Variants in PPIL4 observed in about 807,000 individuals in gnomAD.
The protein encoded by PPIL4 is peptidyl-prolyl cis-trans isomerase-like 4.
In PPIL4, 50 loss-of-function variants were observed where a neutral mutation model predicts 69.1. The ratio of observed to expected loss-of-function variants is 0.72; its 90% CI spans 0.58 to 0.92. PPIL4 has a LOEUF of 0.92. Ranked by LOEUF, PPIL4 falls within the 40% of genes least tolerant of loss-of-function variation. The pLI is 0.00. For missense variants in PPIL4, 480 were observed against 587.9 expected, an observed-to-expected ratio of 0.82 and a Z score of 1.90; for synonymous variants, 193 against 191.6, an observed-to-expected ratio of 1.01 and a Z score of -0.06.
chr6:149,507,915 A>G (rs1583202131), intron 12 of PPIL4, among the ~76,000 whole-genome samples: 1 of 152,216 alleles, frequency 6.6e-6, no homozygotes, highest in East Asian at 1.9e-4. Flanking sequence ...CTCAAAGGGT[A>G]AGTGAGCTTG....
intron 10 of PPIL4, among the ~76,000 whole-genome samples, chr6:149,520,631 G>T (rs1252280858): frequency 6.6e-6 from 1 of 152,012 alleles, no homozygotes; most frequent in Non-Finnish European, 1.5e-5. Flanking sequence ...TAGCAGGTTT[G>T]TAAAATTACA....
chr6:149,521,027 A>G (rs557079150), intron 10 of PPIL4, 33 bp downstream of exon 10: 12 of 1,200,698 alleles, frequency 1.0e-5, no homozygotes, highest in African/African-American at 1.5e-5. Flanking sequence ...AAAAAAAAAA[A>G]GCAGAACAAA....
rs1446818920 is a variant in PPIL4, at chr6:149,512,156, T to C, written c.1226A>G (p.Gln409Arg). The C allele has an allele frequency of 5.0e-6, 8 of 1,602,138 alleles. No homozygotes were observed. Among genetic ancestry groups the C allele is most frequent in the Non-Finnish European group, 6.8e-6 (8 of 1,174,588 alleles). ...TCTAAGTCTGGACATTAGAGGTACCTGATTAGTATTTTTGATTGGCATGTA... is the reference window on the plus strand; with the variant it reads ...TCTAAGTCTGGACATTAGAGGTACCCGATTAGTATTTTTGATTGGCATGTA... The part of the protein sequence containing the change: ...EDYMPIKNTN[Q>R]DIYREMGFGH... Residue 409 changes from glutamine to arginine, a missense_variant and splice_region_variant, in exon 12 of 13, where the codon CAG becomes CGG. By Grantham distance (43) the Gln-to-Arg change is conservative (BLOSUM62 1). Transcript: ENST00000253329.
At chr6:149,508,601 A>C (rs1466052612) in intron 12 of PPIL4, among the ~76,000 whole-genome samples, 1 of 152,214 alleles carries the variant, frequency 6.6e-6, no homozygotes, top group Non-Finnish European at 1.5e-5. Context: ...ATAACATTAA[A>C]TCACTAAAAT....
At chr6:149,509,424 C>T (rs910792440) in intron 12 of PPIL4, among the ~76,000 whole-genome samples, 1 of 152,100 alleles carries the variant, frequency 6.6e-6, no homozygotes, top group African/African-American at 2.4e-5. Context: ...AATTCATGGA[C>T]GGTTCCATGT....
At chr6:149,532,811 G>A (rs1423994642) in intron 7 of PPIL4, among the ~76,000 whole-genome samples, 4 of 152,094 alleles carry the variant, frequency 2.6e-5, no homozygotes, top group South Asian at 4.1e-4. Context: ...GTGAGACCCT[G>A]TCTCTATAAA....
chr6:149,531,427 T>G (rs577241718), intron 7 of PPIL4, among the ~76,000 whole-genome samples: 2 of 150,842 alleles, frequency 1.3e-5, no homozygotes, highest in Non-Finnish European at 2.9e-5. Context: ...TCCCAGCTAT[T>G]TGGGAAGCTG....
At position 149,510,944 on chromosome 6, in the gene PPIL4, A is replaced by G. The variant is rs371426333; in HGVS notation, c.1227+1211T>C. 8.3e-4 allele frequency among the ~76,000 whole-genome samples: 127 copies of G among 152,264 alleles called. 4 individuals are homozygous for G. The South Asian group carries it at 0.023, about 28-fold the overall frequency. ...ACTGAATCTTAACAAAATGCCTGTG[A>G]AGTATTTCTCACTTTTCACAGAGGA... On this transcript the variant is annotated intron_variant, in intron 12 of 12. Transcript: ENST00000253329.
rs1777358576 is a variant in PPIL4 at position 149,541,347 on chromosome 6, AAAT to A, written c.203+17_203+19del. The A allele has an allele frequency of 9.2e-7, 1 of 1,085,954 alleles. No homozygotes were observed. Among genetic ancestry groups the A allele is most frequent in the Non-Finnish European group, 1.2e-6 (1 of 807,998 alleles). The allele number at this position is 1,085,954 out of a possible 1,614,324, so 67.3% of individuals were successfully genotyped here. A position where few individuals can be genotyped will look rare whatever the true frequency, so the allele number is the denominator to read the frequency against. ...TAAATAAATAAATAAATAAATAAAT[AAAT>A]AAATAAAACAACTTACCCAAAGATA... On this transcript the variant is annotated intron_variant, in intron 3 of 12. Coordinates refer to ENST00000253329, the MANE Select transcript of PPIL4 (RefSeq NM_139126.4).
At chr6:149,537,058 G>A (rs957467595) in intron 4 of PPIL4, among the ~76,000 whole-genome samples, 5 of 151,252 alleles carry the variant, frequency 3.3e-5, no homozygotes, top group Admixed American at 1.3e-4. Context: ...CCCAGGAGGC[G>A]AAGGTTGCAG....
chr6:149,528,112 C>T (rs1013832492), intron 7 of PPIL4, among the ~76,000 whole-genome samples: 2 of 152,144 alleles, frequency 1.3e-5, no homozygotes, highest in African/African-American at 4.8e-5. Context: ...AAAAATTAGC[C>T]AGGCATGGCA....
At chr6:149,512,914 T>C (rs1776877288) in intron 11 of PPIL4, among the ~76,000 whole-genome samples, 1 of 151,862 alleles carries the variant, frequency 6.6e-6, no homozygotes, top group Non-Finnish European at 1.5e-5. Context: ...GACTAATTTT[T>C]TGTGTCTTTA....
chr6:149,538,251 T>C (rs113971828), intron 4 of PPIL4, among the ~76,000 whole-genome samples: 4,084 of 151,208 alleles, frequency 0.027, 162 homozygotes, highest in African/African-American at 0.093. Flanking sequence ...GGTGACAGAG[T>C]GAGAATCTGT....
intron 12 of PPIL4, 75 bp from the exon 13 acceptor site, chr6:149,505,779 TAGAAA>T: frequency 2.2e-6 from 3 of 1,392,590 alleles, no homozygotes; most frequent in Non-Finnish European, 3.0e-6. Flanking sequence ...TAATAAAACT[TAGAAA>T]AGTCTACCAT....
chr6:149,529,314 C>T (rs1310756511), intron 7 of PPIL4, among the ~76,000 whole-genome samples: 2 of 151,676 alleles, frequency 1.3e-5, no homozygotes, highest in Non-Finnish European at 2.9e-5. Flanking sequence ...TAAAATTAGC[C>T]GGGCATGGTG....
chr6:149,533,583 A>T lies in PPIL4; in HGVS notation c.562-9T>A. On this transcript the variant is annotated splice_polypyrimidine_tract_variant and intron_variant, in intron 6 of 12. Coordinates refer to ENST00000253329, the MANE Select transcript of PPIL4 (RefSeq NM_139126.4). ...GCTCCTATTCGACCACTCTGTTAAG[A>T]CAGAAGTTACTCATGTATATATTTA... is the stretch of plus-strand genomic sequence containing the variant. 1 of 1,460,906 alleles carries T rather than the reference A, an allele frequency of 6.8e-7. No individual in the cohort carries two copies. Among genetic ancestry groups the T allele is most frequent in the Non-Finnish European group, 9.6e-7 (1 of 1,044,508 alleles). The allele number at this position is 1,460,906 out of a possible 1,614,324, so 90.5% of individuals were successfully genotyped here. A position where few individuals can be genotyped will look rare whatever the true frequency, so the allele number is the denominator to read the frequency against.
chr6:149,509,525 C>T (rs9399689), intron 12 of PPIL4, among the ~76,000 whole-genome samples: 39,196 of 152,036 alleles, frequency 0.26, 6,465 homozygotes, highest in East Asian at 0.77. Context: ...TAAACATTCA[C>T]AGGAATGTGA....
At chr6:149,541,681 T>C (rs1777365230) in intron 1 of PPIL4, 95 bp from the exon 2 acceptor site, 1 of 722,722 alleles carries the variant, frequency 1.4e-6, no homozygotes, top group Admixed American at 2.6e-5. Context: ...TAAATTACTA[T>C]TAAAAGAAAA....
rs954315319 is a variant in PPIL4, at chr6:149,533,488, C to T, written c.648G>A (p.Glu216=). 4 of 1,605,892 alleles carry T rather than the reference C, an allele frequency of 2.5e-6. No homozygotes were observed. In the African/African-American group the frequency reaches 5.4e-5, roughly 21 times the overall value. Residue 216 remains glutamate, a synonymous_variant, in exon 7 of 13, where the codon GAG becomes GAA. Transcript: ENST00000253329. ...EEVEEIKAEK[E]AKTQAILLEM... is the part of the protein sequence containing the mutation. Reference sequence around the variant, plus strand: ...CCAAAAGTATAGCCTGAGTTTTAGCCTCTTTTTCTGCCTTTATTTCTTCTA... The same window carrying T: ...CCAAAAGTATAGCCTGAGTTTTAGCTTCTTTTTCTGCCTTTATTTCTTCTA...
Sources: gnomAD v4.1 joint callset for allele counts (sites outside exome capture counted in the v4.1 genomes callset) on GRCh38, gnomAD v4.1.1 for gene constraint, MANE v1.5 for transcripts, NCBI Gene and HGNC (gene_info 2026-07-23, HGNC 2026-07-21) for gene names.